The following NCAPD3 variants were observed in gnomAD, a reference collection of about 807,000 sequenced individuals.
The protein encoded by NCAPD3 is condensin-2 complex subunit D3.
Under a neutral mutation model 182.9 loss-of-function variants are expected in NCAPD3, and 105 were observed. That is an observed-to-expected ratio of 0.57 (90% CI 0.49 to 0.68). The LOEUF is 0.68. Among genes scored for constraint, NCAPD3 ranks in the 30% least tolerant of loss-of-function variants. NCAPD3 has a pLI of 0.00. For synonymous variants in NCAPD3, 815 were observed against 679.9 expected (o/e 1.20, Z -3.09); for missense variants, 1,944 against 1,837.0 (o/e 1.06, Z -1.07).
At chr11:134,164,276 C>A (rs1943690157) in intron 27 of NCAPD3, among the ~76,000 whole-genome samples, 1 of 152,184 alleles carries the variant, frequency 6.6e-6, no homozygotes, top group Non-Finnish European at 1.5e-5. Context: ...GCACCATAAA[C>A]TGTGGGAGAA....
intron 16 of NCAPD3, among the ~76,000 whole-genome samples, chr11:134,186,378 CTCTT>C (rs780119734): frequency 2.6e-4 from 40 of 152,102 alleles, no homozygotes; most frequent in Admixed American, 6.6e-4. Context: ...CTCTCTCTCT[CTCTT>C]TGTCTGTCTT....
At chr11:134,218,110 A>AGGGGGG (rs5795873) in intron 2 of NCAPD3, among the ~76,000 whole-genome samples, 51 of 59,502 alleles carry the variant, frequency 8.6e-4, no homozygotes, top group South Asian at 1.9e-3. Flanking sequence ...AAAAAAAAAA[A>AGGGGGG]GGGGGGGGGG....
At chr11:134,209,852 C>T (rs917547051) in intron 4 of NCAPD3, 4 of 216,220 alleles carry the variant, frequency 1.8e-5, no homozygotes, top group Admixed American at 1.6e-4. Context: ...GCCAGGAGTT[C>T]GAGACCAGCC....
rs11551410 is a variant in NCAPD3 at position 134,150,823 on chromosome 11, T to G, written c.*2121A>C. On this transcript the variant is annotated 3_prime_UTR_variant, in exon 35 of 35. Coordinates refer to ENST00000534548, the MANE Select transcript of NCAPD3 (RefSeq NM_015261.3). ...TGTCGCATTTCAAAACAAACCATGA[T>G]GGAGTGGCGGCCAGTCCAGCCTTTT... The G allele has an allele frequency of 6.6e-6, 1 of 152,040 alleles. No individual in the cohort carries two copies. The highest frequency in any genetic ancestry group is 1.9e-4 in the East Asian group (1 of 5,188). The allele number at this position is 152,040 out of a possible 1,614,324, so 9.4% of individuals were successfully genotyped here. A position where few individuals can be genotyped will look rare whatever the true frequency, so the allele number is the denominator to read the frequency against.
chr11:134,179,243 G>C (rs575930463), intron 20 of NCAPD3, among the ~76,000 whole-genome samples: 4 of 151,874 alleles, frequency 2.6e-5, no homozygotes, highest in Non-Finnish European at 5.9e-5. Flanking sequence ...GGGTAAACTG[G>C]GATACATCTA....
intron 16 of NCAPD3, among the ~76,000 whole-genome samples, chr11:134,188,958 C>T (rs1446215739): frequency 6.6e-6 from 1 of 152,132 alleles, no homozygotes; most frequent in Non-Finnish European, 1.5e-5. Flanking sequence ...ACCATGATCT[C>T]AAATTTCTAC....
chr11:134,151,041 C>T lies in NCAPD3; in HGVS notation c.*1903G>A, dbSNP rs1414074584. On this transcript the variant is annotated 3_prime_UTR_variant, in exon 35 of 35. Coordinates refer to ENST00000534548, the MANE Select transcript of NCAPD3 (RefSeq NM_015261.3). ...TCAAGAGCAGGTGTTCTCAGCCTCACATGCCCTGCCGTGCTGGACTCAGGA... is the reference window on the plus strand; with the variant it reads ...TCAAGAGCAGGTGTTCTCAGCCTCATATGCCCTGCCGTGCTGGACTCAGGA... 1.3e-5 allele frequency: 2 copies of T among 152,302 alleles called. No individual in the cohort carries two copies. The highest frequency in any genetic ancestry group is 3.8e-4 in the East Asian group (2 of 5,206). The allele number at this position is 152,302 out of a possible 1,614,324, so 9.4% of individuals were successfully genotyped here.
intron 1 of NCAPD3, among the ~76,000 whole-genome samples, chr11:134,222,188 A>G (rs1938256378): frequency 6.6e-6 from 1 of 152,164 alleles, no homozygotes; most frequent in Non-Finnish European, 1.5e-5. Flanking sequence ...ACACTATTCA[A>G]ATCTCTCACT....
At chr11:134,155,502 C>T (rs773772976) in intron 32 of NCAPD3, among the ~76,000 whole-genome samples, 4 of 152,190 alleles carry the variant, frequency 2.6e-5, no homozygotes, top group Non-Finnish European at 5.9e-5. Context: ...ACTCTACCAA[C>T]TCAATGACAC....
chr11:134,173,015 G>C (rs73042031), intron 24 of NCAPD3: 2 of 155,056 alleles, frequency 1.3e-5, no homozygotes, highest in Non-Finnish European at 2.8e-5. Flanking sequence ...CACACAGAGC[G>C]GGCAGGCAGT....
rs2120450317 is a variant in NCAPD3, at chr11:134,152,532, A to T, written c.*412T>A. The T allele has an allele frequency of 6.4e-6, 1 of 156,118 alleles. No homozygotes were observed. Among genetic ancestry groups the T allele is most frequent in the South Asian group, 2.1e-4 (1 of 4,856 alleles). 9.7% of individuals were successfully genotyped at this position (156,118 alleles called of 1,614,324 possible). ...TTATAAATAATAGAAAAAATATTAGAATCAAAATTTCGTCATTACAGATGG... is the reference window on the plus strand; with the variant it reads ...TTATAAATAATAGAAAAAATATTAGTATCAAAATTTCGTCATTACAGATGG... On this transcript the variant is annotated 3_prime_UTR_variant, in exon 35 of 35. Transcript: ENST00000534548.
rs746386262 is a variant in NCAPD3, at chr11:134,153,122, G to A, written c.4388+18C>T. 30 of 1,613,480 alleles carry A rather than the reference G, an allele frequency of 1.9e-5. No homozygotes were observed. The African/African-American group carries it at 3.9e-4, about 21-fold the overall frequency. ...CTGACAGAAACATCCACCTCAAAAG[G>A]AACACTGCTAAACTTACGGTTTATC... On this transcript the variant is annotated intron_variant, in intron 34 of 34. Transcript: ENST00000534548.
intron 29 of NCAPD3, 61 bp from the exon 30 acceptor site, chr11:134,158,556 A>G: frequency 1.3e-6 from 2 of 1,529,068 alleles, no homozygotes; most frequent in Non-Finnish European, 1.8e-6. Flanking sequence ...AAAAACGGAT[A>G]TATGATAGTT....
chr11:134,183,225 G>C (rs1350910836), intron 19 of NCAPD3: 1 of 452,796 alleles, frequency 2.2e-6, no homozygotes, highest in African/African-American at 2.0e-5. Flanking sequence ...AGTAAGTTGT[G>C]TACCACTGAG....
At chr11:134,194,223 G>A in intron 14 of NCAPD3, 73 bp from the exon 15 acceptor site, 1 of 1,459,358 alleles carries the variant, frequency 6.9e-7, no homozygotes, top group Non-Finnish European at 9.3e-7. Flanking sequence ...GTTAACAAAG[G>A]AACACTTCCT....
chr11:134,219,880 T>G (rs1938163391), intron 2 of NCAPD3, among the ~76,000 whole-genome samples: 1 of 152,016 alleles, frequency 6.6e-6, no homozygotes, highest in Non-Finnish European at 1.5e-5. Flanking sequence ...CACTGTAACC[T>G]CCGCCTCCTG....
intron 27 of NCAPD3, among the ~76,000 whole-genome samples, chr11:134,167,695 C>T (rs1356246021): frequency 7.6e-6 from 1 of 132,112 alleles, no homozygotes; most frequent in South Asian, 2.6e-4. Flanking sequence ...GGGAGGGGCA[C>T]ACTCACTAGT....
At chr11:134,181,230 C>G (rs374957815) in intron 19 of NCAPD3, 46 bp from the exon 20 acceptor site, 73 of 1,261,582 alleles carry the variant, frequency 5.8e-5, no homozygotes, top group Non-Finnish European at 8.1e-5. Context: ...GCACATCTCC[C>G]AGACTACCCA....
chr11:134,176,936 C>A (rs1333759057), intron 23 of NCAPD3, among the ~76,000 whole-genome samples: 1 of 152,228 alleles, frequency 6.6e-6, no homozygotes, highest in Non-Finnish European at 1.5e-5. Context: ...ACTAGAACTA[C>A]TTGTCTACTG....
Sources: gnomAD v4.1 joint callset for allele counts (sites outside exome capture counted in the v4.1 genomes callset) on GRCh38, gnomAD v4.1.1 for gene constraint, MANE v1.5 for transcripts, NCBI Gene and HGNC (gene_info 2026-07-23, HGNC 2026-07-21) for gene names.